The following PPFIBP2 variants were observed in gnomAD, a reference collection of about 807,000 sequenced individuals.
The protein encoded by PPFIBP2 is PPFIB scaffold protein 2.
A neutral mutation model predicts 118.3 loss-of-function variants in PPFIBP2; 118 were observed. The observed-to-expected ratio is 1.00, with a 90% CI of 0.86 to 1.16. PPFIBP2 has a LOEUF of 1.16. Ranked by LOEUF, PPFIBP2 falls within the 50% of genes most tolerant of loss-of-function variation. The pLI, the probability that PPFIBP2 is intolerant of heterozygous loss-of-function variation, is 0.00. For missense variants in PPFIBP2, 1,195 were observed against 1,073.1 expected, an observed-to-expected ratio of 1.11 and a Z score of -1.59; for synonymous variants, 414 against 397.4, an observed-to-expected ratio of 1.04 and a Z score of -0.50.
the PPFIBP2 span, chr11:7,666,333 C>A: frequency 1.5e-6 from 1 of 685,966 alleles, no homozygotes. Context: ...GAGCCCCAGG[C>A]TTAACCCCCA....
At chr11:7,539,552 ATTTCC>A (rs531155877) in intron 1 of PPFIBP2, 184 of 151,398 alleles carry the variant, frequency 1.2e-3, no homozygotes, top group African/African-American at 4.2e-3. Flanking sequence ...TGACCTCTTT[ATTTCC>A]TTTCATTTTC....
chr11:7,651,921 C>T (rs1854085923), intron 23 of PPFIBP2, 77 bp downstream of exon 23: 2 of 1,358,874 alleles, frequency 1.5e-6, no homozygotes, highest in Middle Eastern at 2.5e-4. Flanking sequence ...GGCGCGATGC[C>T]CACAGCCAGA....
intron 5 of PPFIBP2, among the ~76,000 whole-genome samples, chr11:7,604,490 C>G (rs1377715326): frequency 1.3e-5 from 2 of 149,512 alleles, no homozygotes; most frequent in East Asian, 3.9e-4. Context: ...CCCCCCATAC[C>G]TACTCACCCA....
chr11:7,619,863 G>A (rs990250883), intron 6 of PPFIBP2, among the ~76,000 whole-genome samples: 3 of 152,200 alleles, frequency 2.0e-5, no homozygotes, highest in Admixed American at 6.5e-5. Flanking sequence ...CTGACAGTCC[G>A]GAGGTGCCTA....
rs538635936 is a variant in PPFIBP2, at chr11:7,605,587, A to G, written c.487-4704A>G. 2.1e-5 allele frequency: 10 copies of G among 487,152 alleles called. No homozygotes were observed. The East Asian group carries it at 1.2e-3, about 60-fold the overall frequency. 30.2% of individuals were successfully genotyped at this position (487,152 alleles called of 1,614,324 possible). On this transcript the variant is annotated intron_variant, in intron 5 of 23. Coordinates refer to ENST00000299492, the MANE Select transcript of PPFIBP2 (RefSeq NM_003621.5). ...AACAAATGCACATGAGGCCTGTTAC[A>G]GGGATGAGATCCCATGAGGATTTTC...
chr11:7,524,176 G>A (rs533559308), intron 1 of PPFIBP2, among the ~76,000 whole-genome samples: 1 of 152,108 alleles, frequency 6.6e-6, no homozygotes, highest in African/African-American at 2.4e-5. Context: ...GGAATCAAGA[G>A]GTTTGTAATA....
At chr11:7,514,837 T>C (rs1399470797) in intron 1 of PPFIBP2, among the ~76,000 whole-genome samples, 1 of 152,244 alleles carries the variant, frequency 6.6e-6, no homozygotes, top group Non-Finnish European at 1.5e-5. Flanking sequence ...CAGTGTTTAA[T>C]CTTCTTAAAA....
chr11:7,626,830 G>T (rs1850079613), intron 8 of PPFIBP2, among the ~76,000 whole-genome samples: 1 of 152,206 alleles, frequency 6.6e-6, no homozygotes, highest in Non-Finnish European at 1.5e-5. Flanking sequence ...TCACATCCTG[G>T]CCTCAGCACT....
chr11:7,606,018 A>G (rs1303823430), intron 5 of PPFIBP2: 5 of 1,533,598 alleles, frequency 3.3e-6, no homozygotes, highest in East Asian at 2.4e-5. Flanking sequence ...CGCCTAAAGT[A>G]GGTAGAAAAG....
At chr11:7,547,564 C>A (rs916730015) in intron 1 of PPFIBP2, among the ~76,000 whole-genome samples, 8 of 152,178 alleles carry the variant, frequency 5.3e-5, no homozygotes, top group African/African-American at 1.9e-4. Context: ...CCTGCTACCT[C>A]TTCTTTTATC....
At chr11:7,665,937 G>C in the PPFIBP2 span, 12 of 1,535,348 alleles carry the variant, frequency 7.8e-6, no homozygotes, top group Middle Eastern at 1.7e-4. Context: ...GCCGACCAGG[G>C]ACCTGTATGA....
At chr11:7,526,015 C>T (rs141588035) in intron 1 of PPFIBP2, among the ~76,000 whole-genome samples, 3 of 152,134 alleles carry the variant, frequency 2.0e-5, no homozygotes, top group Non-Finnish European at 2.9e-5. Flanking sequence ...AAACTAAAGA[C>T]GGAGCAGATT....
downstream of PPFIBP2, among the ~76,000 whole-genome samples, chr11:7,660,340 T>C (rs1028515295): frequency 2.1e-3 from 247 of 118,780 alleles, 15 homozygotes; most frequent in Middle Eastern, 4.1e-3. Context: ...CCTAATTTAT[T>C]GAGAGTTTTT....
intron 6 of PPFIBP2, among the ~76,000 whole-genome samples, chr11:7,618,764 T>C (rs1848986477): frequency 6.6e-6 from 1 of 152,088 alleles, no homozygotes; most frequent in Admixed American, 6.5e-5. Flanking sequence ...GTATTTTTAG[T>C]AGAGATAGGG....
intron 13 of PPFIBP2, 127 bp downstream of exon 13, chr11:7,634,679 G>C: frequency 2.8e-6 from 2 of 719,312 alleles, no homozygotes; most frequent in Non-Finnish European, 4.9e-6. Flanking sequence ...AGAGGAAGCA[G>C]GAATTACATG....
chr11:7,553,096 C>A (rs1250625440), intron 2 of PPFIBP2, among the ~76,000 whole-genome samples: 5 of 151,990 alleles, frequency 3.3e-5, no homozygotes, highest in Non-Finnish European at 7.4e-5. Flanking sequence ...ACTAGGATCT[C>A]CTTTTCATTG....
At chr11:7,571,264 C>T (rs181708067) in intron 3 of PPFIBP2, among the ~76,000 whole-genome samples, 5 of 152,290 alleles carry the variant, frequency 3.3e-5, no homozygotes, top group South Asian at 4.1e-4. Flanking sequence ...AGCCACCCCC[C>T]CTTCTCAGCT....
chr11:7,648,805 A>G lies in PPFIBP2; in HGVS notation c.1803A>G (p.Leu601=). The part of the protein sequence containing the change: ...TATPQDMEKE[L]GIKHPLHRKK... ...TCTTCATCTTTTAATTTCAGGAGCT[A>G]GGAATTAAGCACCCACTCCACAGGA... The change falls in exon 19 of 24, where the codon CTA becomes CTG. Residue 601 remains leucine, a synonymous_variant. Coordinates refer to ENST00000299492, the MANE Select transcript of PPFIBP2 (RefSeq NM_003621.5). The G allele has an allele frequency of 8.7e-6, 14 of 1,613,684 alleles. No individual in the cohort carries two copies. The highest frequency in any genetic ancestry group is 1.2e-5 in the Non-Finnish European group (14 of 1,179,726).
At position 7,559,917 on chromosome 11, in the gene PPFIBP2, A is replaced by G. The variant is rs1854103439; in HGVS notation, c.65-5636A>G. ...TTTACTGTCTTTCAAGCTTGGCTCC[A>G]TGTTAAAAAATAAAATAAAATAAGA... On this transcript the variant is annotated intron_variant, in intron 2 of 23. Coordinates refer to ENST00000299492, the MANE Select transcript of PPFIBP2 (RefSeq NM_003621.5). 2.0e-5 allele frequency among the ~76,000 whole-genome samples: 3 copies of G among 152,162 alleles called. 1 individual carries two copies. Among genetic ancestry groups the G allele is most frequent in the African/African-American group, 2.4e-5 (1 of 41,438 alleles).
Sources: gnomAD v4.1 joint callset for allele counts (sites outside exome capture counted in the v4.1 genomes callset) on GRCh38, gnomAD v4.1.1 for gene constraint, MANE v1.5 for transcripts, NCBI Gene and HGNC (gene_info 2026-07-23, HGNC 2026-07-21) for gene names.